The following STAB2 variants were observed in gnomAD, a reference collection of about 807,000 sequenced individuals.
The protein encoded by STAB2 is stabilin 2.
A neutral mutation model predicts 338.1 loss-of-function variants in STAB2; 288 were observed. The ratio of observed to expected loss-of-function variants is 0.85; its 90% CI spans 0.77 to 0.94. The LOEUF is 0.94. Among genes scored for constraint, STAB2 ranks in the 40% least tolerant of loss-of-function variants. The pLI, the probability that STAB2 is intolerant of heterozygous loss-of-function variation, is 0.00. For missense variants in STAB2, 3,141 were observed against 3,210.1 expected (o/e 0.98, Z 0.52); for synonymous variants, 1,202 against 1,193.3 (o/e 1.01, Z -0.15).
rs1883348691 is a variant in STAB2 at position 103,749,120 on chromosome 12, G to T, written c.6402G>T (p.Gly2134=). 2 of 1,610,008 alleles carry T rather than the reference G, an allele frequency of 1.2e-6. No homozygotes were observed. Among genetic ancestry groups the T allele is most frequent in the Non-Finnish European group, 1.7e-6 (2 of 1,176,960 alleles). Residue 2134 remains glycine, a synonymous_variant, in exon 59 of 69, where the codon GGG becomes GGT. Transcript: ENST00000388887. ...IDPCADGLNG[G]CHEHATCKMT... The stretch of plus-strand genomic sequence containing the variant: ...CCTGTGCAGACGGCCTTAACGGAGG[G>T]TGTCACGAGCACGCCACCTGTAAGA...
chr12:103,685,687 A>G (rs1053845318), intron 27 of STAB2, among the ~76,000 whole-genome samples: 3 of 152,212 alleles, frequency 2.0e-5, no homozygotes, highest in African/African-American at 4.8e-5. Flanking sequence ...ATAGCTGTCA[A>G]GTGCAGAGCC....
intron 3 of STAB2, among the ~76,000 whole-genome samples, chr12:103,611,111 T>A (rs1310098955): frequency 6.6e-6 from 1 of 152,236 alleles, no homozygotes; most frequent in African/African-American, 2.4e-5. Flanking sequence ...CTTCCAACTA[T>A]GTGGTCAATT....
In STAB2 at chr12:103,701,394, G is replaced by A. The variant is rs562775789; in HGVS notation, c.3715-1754G>A. Among the ~76,000 whole-genome samples the A allele has an allele frequency of 2.2e-4, 34 of 152,214 alleles. No individual in the cohort carries two copies. The East Asian group carries it at 6.2e-3, about 28-fold the overall frequency. On this transcript the variant is annotated intron_variant, in intron 34 of 68. Transcript: ENST00000388887. ...AGTAATGGGATGGCTGGGTCAAATG[G>A]TATTTCTAGTTCTAGATCCCTGAGG...
chr12:103,736,588 G>C (rs1226526734), intron 52 of STAB2, among the ~76,000 whole-genome samples: 1 of 151,964 alleles, frequency 6.6e-6, no homozygotes, highest in African/African-American at 2.4e-5. Context: ...CCCTCTGCTT[G>C]TTCTGTGTGT....
Position 103,587,540 on chromosome 12 carries a change from G to A in STAB2, c.64G>A (p.Ala22Thr). Reference protein sequence around the residue: ...GLVVQNFCSPAETTGQARRCD... With the variant: ...GLVVQNFCSPTETTGQARRCD... ...GGTTGTACAAAATTTCTGCTCCCCA[G>A]CTGAAACCACAGGGCAGGTAAGAGG... The change falls in exon 1 of 69, where the codon GCT (alanine) becomes ACT (threonine). Residue 22 changes from alanine to threonine, a missense_variant. Ala to Thr is a moderately conservative substitution (Grantham distance 58). Coordinates refer to ENST00000388887, the MANE Select transcript of STAB2 (RefSeq NM_017564.10). The A allele has an allele frequency of 1.2e-6, 2 of 1,613,976 alleles. No homozygotes were observed. Among genetic ancestry groups the A allele is most frequent in the Non-Finnish European group, 8.5e-7 (1 of 1,179,882 alleles).
At chr12:103,739,125 G>A (rs952707520) in intron 53 of STAB2, among the ~76,000 whole-genome samples, 1 of 148,396 alleles carries the variant, frequency 6.7e-6, no homozygotes, top group African/African-American at 2.5e-5. Context: ...ACAGGTTCAT[G>A]TGCCACCATG....
chr12:103,604,947 A>T (rs56216042), intron 3 of STAB2, among the ~76,000 whole-genome samples: 1 of 134,560 alleles, frequency 7.4e-6, no homozygotes, highest in Non-Finnish European at 1.6e-5. Context: ...TTATTTAAAA[A>T]CTTTCTTCTT....
Position 103,758,233 on chromosome 12 carries a change from C to T in STAB2, c.7051C>T (p.Leu2351=), listed in dbSNP as rs749251853. ...GRAFLEHLTD[L]SIRGTLFVPQ... The stretch of plus-strand genomic sequence containing the variant: ...TGCATTTCTAGAACACCTGACTGAC[C>T]TGTCCATCCGCGGCACCCTCTTTGT... Residue 2351 remains leucine, a synonymous_variant, in exon 64 of 69, where the codon CTG becomes TTG. Coordinates refer to ENST00000388887, the MANE Select transcript of STAB2 (RefSeq NM_017564.10). The T allele has an allele frequency of 7.4e-6, 12 of 1,614,044 alleles. No individual in the cohort carries two copies. The East Asian group carries it at 2.5e-4, about 33-fold the overall frequency.
chr12:103,646,692 G>A (rs887124430), intron 9 of STAB2, among the ~76,000 whole-genome samples: 4 of 152,156 alleles, frequency 2.6e-5, no homozygotes, highest in African/African-American at 9.7e-5. Flanking sequence ...TTACCTAGAA[G>A]GTTCCTAGAA....
In STAB2 at chr12:103,755,278, A is replaced by G; in HGVS notation, c.6715-24A>G. 4 of 1,611,114 alleles carry G rather than the reference A, an allele frequency of 2.5e-6. 1 individual carries two copies. Among genetic ancestry groups the G allele is most frequent in the Middle Eastern group, 1.7e-4 (1 of 6,050 alleles). On this transcript the variant is annotated intron_variant, in intron 61 of 68. Transcript: ENST00000388887. ...CAACACATGAACTTGCAGCTGACCC[A>G]TGGCCCTGTCTGTATCCCTGCAGGC...
rs1371669304 is a variant in STAB2 at position 103,755,699 on chromosome 12, C to T, written c.6968C>T (p.Ser2323Leu). 6.2e-7 allele frequency: 1 copy of T among 1,614,014 alleles called. No individual in the cohort carries two copies. Among genetic ancestry groups the T allele is most frequent in the African/African-American group, 1.3e-5 (1 of 74,906 alleles). The change falls in exon 63 of 69, where the codon TCA (serine) becomes TTA (leucine). Residue 2323 changes from serine to leucine, a missense_variant. Physicochemically the swap from Ser to Leu is moderately radical, Grantham distance 145. Transcript: ENST00000388887. ...NLLQVLMSFP[S>L]LTNFLTEVLA... is the part of the protein sequence containing the mutation. ...CTGCAGGTCCTGATGTCCTTCCCCTCACTCACAAACTTCCTGACGGTATGT... is the reference window on the plus strand; with the variant it reads ...CTGCAGGTCCTGATGTCCTTCCCCTTACTCACAAACTTCCTGACGGTATGT...
chr12:103,743,734 A>G (rs1176674048), intron 56 of STAB2, among the ~76,000 whole-genome samples: 1 of 152,206 alleles, frequency 6.6e-6, no homozygotes, highest in Non-Finnish European at 1.5e-5. Flanking sequence ...AGACCAGAGG[A>G]ACAGCTTTCC....
chr12:103,628,536 G>T (rs748456671), intron 5 of STAB2, among the ~76,000 whole-genome samples: 1 of 152,194 alleles, frequency 6.6e-6, no homozygotes, highest in Non-Finnish European at 1.5e-5. Flanking sequence ...ATATCAAGGT[G>T]TTGGCAGGGC....
intron 31 of STAB2, among the ~76,000 whole-genome samples, chr12:103,693,592 G>GGT (rs1878141226): frequency 6.6e-6 from 1 of 152,076 alleles, no homozygotes; most frequent in South Asian, 2.1e-4. Flanking sequence ...AAAAAGATGA[G>GGT]GTAGGGAAGG....
intron 56 of STAB2, among the ~76,000 whole-genome samples, chr12:103,744,284 C>T (rs540349650): frequency 2.1e-4 from 32 of 151,784 alleles, no homozygotes; most frequent in African/African-American, 7.7e-4. Flanking sequence ...GTTAGGACTA[C>T]AGGCACATGC....
In STAB2 at chr12:103,717,798, C is replaced by A; in HGVS notation, c.4640C>A (p.Thr1547Asn). 1.2e-6 allele frequency: 2 copies of A among 1,614,152 alleles called. No homozygotes were observed. The highest frequency in any genetic ancestry group is 1.7e-6 in the Non-Finnish European group (2 of 1,179,998). The stretch of plus-strand genomic sequence containing the variant: ...GCCTGTAACTGTTTGCCAGCATACA[C>A]TGGAGATGGAAAGGTCTGCACACTC... Reference protein sequence around the residue: ...QAACNCLPAYTGDGKVCTLIN... With the variant: ...QAACNCLPAYNGDGKVCTLIN... Residue 1547 changes from threonine (T) to asparagine (N), a missense_variant, in exon 44 of 69, where the codon ACT becomes AAT. Physicochemically the swap from Thr to Asn is moderately conservative, Grantham distance 65. Transcript: ENST00000388887.
At chr12:103,704,183 A>T (rs1237463549) in intron 35 of STAB2, among the ~76,000 whole-genome samples, 1 of 152,234 alleles carries the variant, frequency 6.6e-6, no homozygotes, top group Non-Finnish European at 1.5e-5. Context: ...GGGCATCTCC[A>T]TGCTGAACCC....
At chr12:103,708,734 G>GAAAGA (rs1304572770) in intron 39 of STAB2, among the ~76,000 whole-genome samples, 198 bp downstream of exon 39, 1 of 152,146 alleles carries the variant, frequency 6.6e-6, no homozygotes, top group African/African-American at 2.4e-5. Flanking sequence ...CTCAAGGCAG[G>GAAAGA]AAAGAACTAT....
intron 48 of STAB2, 69 bp downstream of exon 48, chr12:103,729,064 T>C: frequency 6.7e-7 from 1 of 1,500,472 alleles, no homozygotes; most frequent in East Asian, 2.3e-5. Flanking sequence ...TGGATGGAGC[T>C]GGAGGCCATC....
Sources: gnomAD v4.1 joint callset for allele counts (sites outside exome capture counted in the v4.1 genomes callset) on GRCh38, gnomAD v4.1.1 for gene constraint, MANE v1.5 for transcripts, NCBI Gene and HGNC (gene_info 2026-07-23, HGNC 2026-07-21) for gene names.